The following RALYL variants were observed in gnomAD, a reference collection of about 807,000 sequenced individuals.
The protein encoded by RALYL is RALY RNA binding protein like.
A neutral mutation model predicts 35.1 loss-of-function variants in RALYL; 29 were observed. The observed-to-expected ratio is 0.83, with a 90% CI of 0.61 to 1.13. The LOEUF (loss-of-function observed/expected upper bound fraction) is 1.13, where lower values mean the gene tolerates loss of function less well. Ranked by LOEUF, RALYL falls within the 50% of genes most tolerant of loss-of-function variation. The pLI, the probability that RALYL is intolerant of heterozygous loss-of-function variation, is 0.00. For synonymous variants in RALYL, 120 were observed against 127.6 expected (o/e 0.94, Z 0.40); for missense variants, 359 against 360.4 (o/e 1.00, Z 0.03).
chr8:84,460,458 C>T (rs2050633268), intron 1 of RALYL, among the ~76,000 whole-genome samples: 1 of 151,528 alleles, frequency 6.6e-6, no homozygotes, highest in East Asian at 1.9e-4. Flanking sequence ...ATGGTGCATC[C>T]ATAAAAATGG....
Position 84,565,373 on chromosome 8 carries a change from G to T in RALYL, c.256+35796G>T, listed in dbSNP as rs76694202. On this transcript the variant is annotated intron_variant, in intron 2 of 8. Coordinates refer to ENST00000521268, the MANE Select transcript of RALYL (RefSeq NM_173848.7). The stretch of plus-strand genomic sequence containing the variant: ...TCAATTTCTGTAACATTTAACTTAT[G>T]TAGCATCTAGCATCTCAACAGGAAA... 2.6e-3 allele frequency among the ~76,000 whole-genome samples: 400 copies of T among 151,562 alleles called. 2 individuals carry two copies. Among genetic ancestry groups the T allele is most frequent in the East Asian group, 9.9e-3 (51 of 5,146 alleles).
chr8:84,726,450 C>T (rs72681023), intron 2 of RALYL, among the ~76,000 whole-genome samples: 35,854 of 150,420 alleles, frequency 0.24, 4,476 homozygotes, highest in African/African-American at 0.28. Flanking sequence ...TGTTGGTAGA[C>T]TATAACTAAA....
intron 2 of RALYL, among the ~76,000 whole-genome samples, chr8:84,700,098 C>T (rs1415442023): frequency 6.6e-6 from 1 of 151,624 alleles, no homozygotes; most frequent in Non-Finnish European, 1.5e-5. Context: ...ATCAGGCAAC[C>T]AAGAAGATAA....
At chr8:84,490,369 C>T (rs1289474917) in intron 1 of RALYL, among the ~76,000 whole-genome samples, 1 of 151,874 alleles carries the variant, frequency 6.6e-6, no homozygotes, top group Non-Finnish European at 1.5e-5. Context: ...AGATAATCTG[C>T]TCATGGGTCA....
rs545886696 is a variant in RALYL at position 84,325,457 on chromosome 8, A to G, written c.-24+141033A>G. On this transcript the variant is annotated intron_variant, in intron 1 of 8. Transcript: ENST00000521268. ...CGCCTCTGGATTTTGACATTTCTTCATTTTAGCCACCCAGTGGCAATGCCA... is the reference window on the plus strand; with the variant it reads ...CGCCTCTGGATTTTGACATTTCTTCGTTTTAGCCACCCAGTGGCAATGCCA... Among the ~76,000 whole-genome samples the G allele has an allele frequency of 2.6e-5, 4 of 152,304 alleles. No individual in the cohort carries two copies. The East Asian group carries it at 7.7e-4, about 29-fold the overall frequency.
intron 2 of RALYL, among the ~76,000 whole-genome samples, chr8:84,674,424 G>A (rs1227173493): frequency 1.3e-5 from 2 of 152,158 alleles, no homozygotes; most frequent in Non-Finnish European, 2.9e-5. Context: ...AATAGAAATG[G>A]TGAGAGAGGG....
At chr8:84,278,132 C>A (rs1292625622) in intron 1 of RALYL, among the ~76,000 whole-genome samples, 1 of 152,216 alleles carries the variant, frequency 6.6e-6, no homozygotes, top group Non-Finnish European at 1.5e-5. Context: ...ACAGGAGTTT[C>A]CATACATCCT....
intron 1 of RALYL, among the ~76,000 whole-genome samples, chr8:84,373,913 G>A (rs1347306556): frequency 6.6e-6 from 1 of 151,252 alleles, no homozygotes; most frequent in Non-Finnish European, 1.5e-5. Flanking sequence ...TCTCCTTTTA[G>A]GGATCTTTCA....
chr8:84,478,922 T>TGAAAAAAAAAAAAAAAAAAAAAAAAAAA (rs2053728881), intron 1 of RALYL, among the ~76,000 whole-genome samples: 1 of 85,254 alleles, frequency 1.2e-5, no homozygotes, highest in Non-Finnish European at 2.7e-5. Flanking sequence ...CCGTCTCTAC[T>TGAAAAAAAAAAAAAAAAAAAAAAAAAAA]AAAAATACAA....
Position 84,257,076 on chromosome 8 carries a change from T to A in RALYL, c.-24+72652T>A, listed in dbSNP as rs145538384. 6.6e-5 allele frequency among the ~76,000 whole-genome samples: 10 copies of A among 152,072 alleles called. No homozygotes were observed. The East Asian group carries it at 1.9e-3, about 29-fold the overall frequency. On this transcript the variant is annotated intron_variant, in intron 1 of 8. Transcript: ENST00000521268. ...AAAATATTAAACCAAGATTTTATAT[T>A]GGTTTAATAAATATACTGATAAGAT...
At chr8:84,594,545 G>A (rs1053442739) in intron 2 of RALYL, among the ~76,000 whole-genome samples, 8 of 151,842 alleles carry the variant, frequency 5.3e-5, no homozygotes, top group African/African-American at 1.9e-4. Context: ...TGGGAGCAGA[G>A]AGCTAAAGCA....
At chr8:84,457,161 A>G (rs1284260197) in intron 1 of RALYL, among the ~76,000 whole-genome samples, 2 of 151,980 alleles carry the variant, frequency 1.3e-5, no homozygotes, top group Non-Finnish European at 2.9e-5. Flanking sequence ...AATGGAATGC[A>G]GGGTTTGGAA....
intron 1 of RALYL, among the ~76,000 whole-genome samples, chr8:84,433,636 C>T (rs1378044367): frequency 6.6e-6 from 1 of 152,010 alleles, no homozygotes; most frequent in Non-Finnish European, 1.5e-5. Context: ...TTTGCTCCTT[C>T]CTCATTTTCC....
intron 2 of RALYL, among the ~76,000 whole-genome samples, chr8:84,770,144 C>G (rs368512335): frequency 1.3e-5 from 2 of 152,068 alleles, no homozygotes; most frequent in Non-Finnish European, 2.9e-5. Flanking sequence ...ATGCACCCAC[C>G]ACCCTAGCAG....
intron 1 of RALYL, among the ~76,000 whole-genome samples, chr8:84,312,446 T>A (rs1489871744): frequency 6.6e-6 from 1 of 152,112 alleles, no homozygotes; most frequent in Admixed American, 6.5e-5. Flanking sequence ...GTCCACAATT[T>A]CATCTGGGAC....
intron 1 of RALYL, among the ~76,000 whole-genome samples, chr8:84,330,437 A>T (rs1289668133): frequency 6.7e-6 from 1 of 149,808 alleles, no homozygotes; most frequent in Admixed American, 6.6e-5. Flanking sequence ...AAATTTGCTC[A>T]TCATAGCATT....
intron 1 of RALYL, among the ~76,000 whole-genome samples, chr8:84,420,086 G>T (rs559857120): frequency 2.1e-4 from 32 of 151,746 alleles, no homozygotes; most frequent in Admixed American, 1.2e-3. Flanking sequence ...GGGTCAAATG[G>T]TATTTGTAGT....
chr8:84,545,127 A>G (rs1422032569), intron 2 of RALYL, among the ~76,000 whole-genome samples: 1 of 152,102 alleles, frequency 6.6e-6, no homozygotes, highest in East Asian at 1.9e-4. Context: ...GAAATTGATC[A>G]ATTTTTTACC....
chr8:84,912,815 G>A (rs1847725553), intron 8 of RALYL, among the ~76,000 whole-genome samples: 1 of 151,970 alleles, frequency 6.6e-6, no homozygotes, highest in Non-Finnish European at 1.5e-5. Flanking sequence ...GTGACCCTCA[G>A]GTAAGTGCAG....
Sources: allele counts gnomAD v4.1 joint callset (sites outside exome capture counted in the v4.1 genomes callset), GRCh38; gene constraint gnomAD v4.1.1; transcripts MANE v1.5; gene names NCBI Gene and HGNC (gene_info 2026-07-23, HGNC 2026-07-21).